AK7: variants seen among roughly 807,000 people sequenced by gnomAD.
The protein encoded by AK7 is ATP-AMP transphosphorylase 7.
A neutral mutation model predicts 96.6 loss-of-function variants in AK7; 78 were observed. The observed-to-expected ratio is 0.81, with a 90% confidence interval of 0.67 to 0.97. The LOEUF (loss-of-function observed/expected upper bound fraction) is 0.97. Among genes scored for constraint, AK7 ranks in the 50% least tolerant of loss-of-function variants. The pLI, the probability that AK7 is intolerant of heterozygous loss-of-function variation, is 0.00. For missense variants in AK7, 855 were observed against 887.9 expected, an observed-to-expected ratio of 0.96 and a Z score of 0.47; for synonymous variants, 302 against 317.2, an observed-to-expected ratio of 0.95 and a Z score of 0.51.
At chr14:96,472,403 C>T (rs954475327) in intron 13 of AK7, among the ~76,000 whole-genome samples, 1 of 152,202 alleles carries the variant, frequency 6.6e-6, no homozygotes, top group Non-Finnish European at 1.5e-5. Flanking sequence ...GATCCTACTG[C>T]CTTGGCCTCC....
intron 1 of AK7, among the ~76,000 whole-genome samples, chr14:96,392,882 T>C (rs1021791300): frequency 6.6e-6 from 1 of 152,160 alleles, no homozygotes; most frequent in African/African-American, 2.4e-5. Flanking sequence ...CAGGATGGTC[T>C]CGATCGATCT....
At position 96,473,272 on chromosome 14, in the gene AK7, G is replaced by A. The variant is rs934156929; in HGVS notation, c.1555+517G>A. On this transcript the variant is annotated intron_variant, in intron 14 of 17. Coordinates refer to ENST00000267584, the MANE Select transcript of AK7 (RefSeq NM_152327.5). Reference sequence around the variant, plus strand: ...TGCAAGCTCTGCCTCCCGGGTTCACGCCATTCTCCTGCCTCAGTCTCCCCA... The same window carrying A: ...TGCAAGCTCTGCCTCCCGGGTTCACACCATTCTCCTGCCTCAGTCTCCCCA... Among the ~76,000 whole-genome samples, 27 of 150,036 alleles carry A rather than the reference G, an allele frequency of 1.8e-4. No individual in the cohort carries two copies. In the East Asian group the frequency reaches 2.4e-3, roughly 13 times the overall value.
At chr14:96,416,972 T>C (rs941730138) in intron 4 of AK7, among the ~76,000 whole-genome samples, 8 of 152,216 alleles carry the variant, frequency 5.3e-5, no homozygotes, top group Non-Finnish European at 8.8e-5. Flanking sequence ...AGGGAAGAGA[T>C]TGGCCATCCA....
chr14:96,435,113 A>T (rs975371725), intron 5 of AK7, among the ~76,000 whole-genome samples: 1 of 152,062 alleles, frequency 6.6e-6, no homozygotes, highest in African/African-American at 2.4e-5. Context: ...CCATGCTGGC[A>T]CCTAAGGTGC....
At chr14:96,428,643 A>G (rs928014747) in intron 5 of AK7, among the ~76,000 whole-genome samples, 3 of 152,140 alleles carry the variant, frequency 2.0e-5, no homozygotes, top group African/African-American at 7.2e-5. Flanking sequence ...TGACTTTTTA[A>G]TGATTGCCAT....
intron 3 of AK7, among the ~76,000 whole-genome samples, chr14:96,407,629 T>A (rs1416675825): frequency 5.2e-4 from 77 of 147,946 alleles, no homozygotes; most frequent in Non-Finnish European, 8.3e-4. Context: ...TTGCCTAGGC[T>A]GGAGTGCAGT....
At position 96,486,613 on chromosome 14, in the gene AK7, C is replaced by T. The variant is rs893427550; in HGVS notation, c.1975-285C>T. 2.0e-5 allele frequency among the ~76,000 whole-genome samples: 3 copies of T among 151,754 alleles called. No homozygotes were observed. In the East Asian group the frequency reaches 5.8e-4, roughly 29 times the overall value. ...ATTGCACATGTCACTATCCCAATGC[C>T]CTCCAGACTTTCTAGTGGCATTTCT... On this transcript the variant is annotated intron_variant, in intron 16 of 17. Coordinates refer to ENST00000267584, the MANE Select transcript of AK7 (RefSeq NM_152327.5).
chr14:96,478,490 G>C lies in AK7; in HGVS notation c.1581G>C (p.Ser527=). The change falls in exon 15 of 18, where the codon TCG becomes TCC. Residue 527 remains serine, a synonymous_variant. Transcript: ENST00000267584. ...IPEFVCALDA[S]DEFLKERVIN... Reference sequence around the variant, plus strand: ...AATTCGTTTGTGCACTGGATGCTTCGGATGAGTTTCTGAAGGAGCGTGTGA... The same window carrying C: ...AATTCGTTTGTGCACTGGATGCTTCCGATGAGTTTCTGAAGGAGCGTGTGA... The C allele has an allele frequency of 1.2e-6, 2 of 1,614,090 alleles. No individual in the cohort carries two copies. The highest frequency in any genetic ancestry group is 1.7e-6 in the Non-Finnish European group (2 of 1,180,008).
chr14:96,479,843 G>A (rs943158157), intron 15 of AK7, among the ~76,000 whole-genome samples: 1 of 152,096 alleles, frequency 6.6e-6, no homozygotes, highest in African/African-American at 2.4e-5. Context: ...CCACACCTTG[G>A]GCCTCCAGGG....
chr14:96,438,591 C>T (rs932094646), intron 6 of AK7, among the ~76,000 whole-genome samples: 1 of 152,164 alleles, frequency 6.6e-6, no homozygotes, highest in African/African-American at 2.4e-5. Context: ...TATGGGAGAA[C>T]AGCGGTAATG....
At chr14:96,476,388 C>T (rs943913204) in intron 14 of AK7, among the ~76,000 whole-genome samples, 9 of 151,894 alleles carry the variant, frequency 5.9e-5, no homozygotes, top group African/African-American at 1.9e-4. Context: ...GCCTATAATC[C>T]CAGCTACTTG....
chr14:96,473,188 TGAGAC>T (rs1894993465), intron 14 of AK7, among the ~76,000 whole-genome samples: 3 of 137,796 alleles, frequency 2.2e-5, no homozygotes, highest in South Asian at 2.4e-4. Flanking sequence ...TTTTTTTTTT[TGAGAC>T]TGAGTCTTGC....
At chr14:96,429,498 G>A (rs938755469) in intron 5 of AK7, among the ~76,000 whole-genome samples, 10 of 152,278 alleles carry the variant, frequency 6.6e-5, no homozygotes, top group South Asian at 4.1e-4. Flanking sequence ...ATTCTGTGAG[G>A]AAAGTCATTG....
intron 5 of AK7, among the ~76,000 whole-genome samples, chr14:96,432,202 C>CTTTTTTTTT (rs71103525): frequency 2.0e-5 from 2 of 101,194 alleles, no homozygotes; most frequent in East Asian, 3.1e-4. Context: ...GCAACCCCTG[C>CTTTTTTTTT]TTTTTTTTTT....
At chr14:96,451,387 A>C (rs772490713) in intron 9 of AK7, 34 bp from the exon 10 acceptor site, 4 of 1,508,532 alleles carry the variant, frequency 2.7e-6, no homozygotes, top group Non-Finnish European at 3.6e-6. Flanking sequence ...TTAAACAAAA[A>C]AAGACAAATC....
intron 14 of AK7, among the ~76,000 whole-genome samples, chr14:96,475,710 G>A (rs1055754664): frequency 5.9e-5 from 9 of 152,108 alleles, no homozygotes; most frequent in East Asian, 5.8e-4. Context: ...GGTGGCTCAC[G>A]CCTGCAATTC....
intron 16 of AK7, among the ~76,000 whole-genome samples, chr14:96,484,469 CA>C (rs1450875196): frequency 1.3e-5 from 2 of 152,170 alleles, no homozygotes; most frequent in East Asian, 3.8e-4. Flanking sequence ...CACAGGCTCT[CA>C]ATTATCACAA....
At chr14:96,472,499 A>G (rs1894952831) in intron 13 of AK7, among the ~76,000 whole-genome samples, 188 bp from the exon 14 acceptor site, 1 of 152,204 alleles carries the variant, frequency 6.6e-6, no homozygotes, top group African/African-American at 2.4e-5. Context: ...TTGGATGTAT[A>G]TACTACATTT....
chr14:96,433,914 A>T (rs150205701), intron 5 of AK7, among the ~76,000 whole-genome samples: 2 of 152,108 alleles, frequency 1.3e-5, no homozygotes, highest in African/African-American at 2.4e-5. Flanking sequence ...AAATTATTTC[A>T]ATCTCTTTGT....
Sources: gnomAD v4.1 joint callset for allele counts (sites outside exome capture counted in the v4.1 genomes callset) on GRCh38, gnomAD v4.1.1 for gene constraint, MANE v1.5 for transcripts, NCBI Gene and HGNC (gene_info 2026-07-23, HGNC 2026-07-21) for gene names.